The following FRY variants were observed in gnomAD, a reference collection of about 807,000 sequenced individuals.
The protein encoded by FRY is protein furry homolog.
In FRY, 128 loss-of-function variants were observed where a neutral mutation model predicts 348.4. The ratio of observed to expected loss-of-function variants is 0.37; its 90% CI spans 0.32 to 0.43. The LOEUF (loss-of-function observed/expected upper bound fraction) is 0.43, where lower values mean the gene tolerates loss of function less well. Ranked by LOEUF, FRY falls within the 20% of genes least tolerant of loss-of-function variation. The pLI is 1.00. For synonymous variants in FRY, 1,370 were observed against 1,374.7 expected, an observed-to-expected ratio of 1.00 and a Z score of 0.08; for missense variants, 2,736 against 3,695.2, an observed-to-expected ratio of 0.74 and a Z score of 6.73.
In FRY at chr13:32,233,257, T is replaced by C. The variant is rs115813307; in HGVS notation, c.5528-1317T>C. Reference sequence around the variant, plus strand: ...GCAACTAAGAGCAATGACATTGAATTATCCCTTCTGGCCCACTTTCATGTA... The same window carrying C: ...GCAACTAAGAGCAATGACATTGAATCATCCCTTCTGGCCCACTTTCATGTA... On this transcript the variant is annotated intron_variant, in intron 41 of 60. Coordinates refer to ENST00000542859, the MANE Select transcript of FRY (RefSeq NM_023037.3). Among the ~76,000 whole-genome samples the C allele has an allele frequency of 4.0e-3, 606 of 152,304 alleles. 2 individuals carry two copies. The highest frequency in any genetic ancestry group is 0.014 in the African/African-American group (569 of 41,546).
intron 16 of FRY, among the ~76,000 whole-genome samples, chr13:32,159,140 T>C (rs554719720): frequency 3.7e-4 from 56 of 152,202 alleles, no homozygotes; most frequent in Non-Finnish European, 6.8e-4. Flanking sequence ...TCTTTACTTT[T>C]TCCTATTCAA....
At chr13:32,180,411 T>C (rs1882632158) in intron 23 of FRY, among the ~76,000 whole-genome samples, 1 of 152,118 alleles carries the variant, frequency 6.6e-6, no homozygotes, top group African/African-American at 2.4e-5. Flanking sequence ...ATGTTTGTAT[T>C]TATAGTAGAG....
intron 14 of FRY, among the ~76,000 whole-genome samples, chr13:32,150,599 G>A (rs868211986): frequency 1.3e-5 from 2 of 152,060 alleles, no homozygotes; most frequent in African/African-American, 2.4e-5. Flanking sequence ...ACCTCAACTC[G>A]CAGAAGAATT....
intron 14 of FRY, among the ~76,000 whole-genome samples, chr13:32,151,243 A>G (rs1232752867): frequency 6.6e-6 from 1 of 152,228 alleles, no homozygotes; most frequent in Non-Finnish European, 1.5e-5. Context: ...CAAACTCCTC[A>G]TTCAGTCAGT....
Position 32,234,797 on chromosome 13 carries a change from G to A in FRY, c.5715+36G>A, listed in dbSNP as rs367769188. 47 of 1,539,144 alleles carry A rather than the reference G, an allele frequency of 3.1e-5. 1 individual carries two copies. The Middle Eastern group carries it at 2.7e-3, about 88-fold the overall frequency. On this transcript the variant is annotated intron_variant, in intron 42 of 60. Transcript: ENST00000542859. ...GAAGACCACTGAGCTCGTGAAGGAT[G>A]AGCTCTCTCATCTCAATGAGGTGTA...
At position 32,130,300 on chromosome 13, in the gene FRY, C is replaced by A. The variant is rs538457293; in HGVS notation, c.717-1372C>A. ...AGGTAATCCACCCACTTCGGCCTCC[C>A]AAAGTGCTGGGATTACAGGCTTGAG... On this transcript the variant is annotated intron_variant, in intron 7 of 60. Coordinates refer to ENST00000542859, the MANE Select transcript of FRY (RefSeq NM_023037.3). 2.9e-3 allele frequency among the ~76,000 whole-genome samples: 448 copies of A among 152,192 alleles called. 1 individual carries two copies. Among genetic ancestry groups the A allele is most frequent in the Non-Finnish European group, 3.5e-3 (237 of 68,004 alleles).
chr13:32,249,691 T>G lies in FRY; in HGVS notation c.7170+4T>G, dbSNP rs770297549. The G allele has an allele frequency of 3.7e-6, 6 of 1,613,512 alleles. No individual in the cohort carries two copies. The highest frequency in any genetic ancestry group is 4.2e-6 in the Non-Finnish European group (5 of 1,179,608). The stretch of plus-strand genomic sequence containing the variant: ...GAAAAGGCCCCAGTATTCTCAGGTA[T>G]GCAATCCTAGACCCACAGTCCTGGG... On this transcript the variant is annotated splice_donor_region_variant and intron_variant, in intron 49 of 60. Coordinates refer to ENST00000542859, the MANE Select transcript of FRY (RefSeq NM_023037.3).
At chr13:32,257,412 G>A (rs1887395112) in intron 51 of FRY, among the ~76,000 whole-genome samples, 1 of 152,158 alleles carries the variant, frequency 6.6e-6, no homozygotes, top group South Asian at 2.1e-4. Context: ...CCTTTTCATT[G>A]GTCTCAGAAT....
chr13:32,284,637 T>G (rs1423454044), intron 58 of FRY, among the ~76,000 whole-genome samples: 1 of 152,244 alleles, frequency 6.6e-6, no homozygotes, highest in Non-Finnish European at 1.5e-5. Context: ...GATAATGCCA[T>G]AGCCATCAAT....
intron 3 of FRY, among the ~76,000 whole-genome samples, chr13:32,108,953 G>T (rs1877760339): frequency 6.6e-6 from 1 of 152,086 alleles, no homozygotes; most frequent in South Asian, 2.1e-4. Context: ...AATGCCAGTG[G>T]GATGGGGCTG....
intron 28 of FRY, among the ~76,000 whole-genome samples, chr13:32,188,891 A>G (rs1478436672): frequency 1.3e-5 from 2 of 152,088 alleles, no homozygotes; most frequent in East Asian, 1.9e-4. Flanking sequence ...AACATTTGCT[A>G]AAGTTTAATT....
rs1593570259 is a variant in FRY, at chr13:32,060,738, C to T, written c.71-18096C>T. On this transcript the variant is annotated intron_variant, in intron 1 of 60. Transcript: ENST00000542859. ...AAACTGTGTGGGTCGGGCTCATGTT[C>T]CTGGAGTGCTTTGAGCAGCTTTACT... The T allele has an allele frequency of 1.6e-5, 3 of 184,178 alleles. No individual in the cohort carries two copies. In the South Asian group the frequency reaches 3.6e-4, roughly 22 times the overall value. 11.4% of individuals were successfully genotyped at this position (184,178 alleles called of 1,614,324 possible). A position where few individuals can be genotyped will look rare whatever the true frequency, so the allele number is the denominator to read the frequency against.
At chr13:32,193,461 A>G (rs1883474188) in intron 28 of FRY, among the ~76,000 whole-genome samples, 1 of 152,076 alleles carries the variant, frequency 6.6e-6, no homozygotes, top group South Asian at 2.1e-4. Flanking sequence ...GTAACATCAA[A>G]TGATCCCCCA....
intron 2 of FRY, chr13:32,085,823 G>A (rs774519431): frequency 1.2e-5 from 6 of 516,962 alleles, no homozygotes; most frequent in Non-Finnish European, 1.9e-5. Context: ...ATACTGTCAG[G>A]TGCCTGTCCT....
intron 2 of FRY, among the ~76,000 whole-genome samples, chr13:32,080,261 C>G (rs533168481): frequency 1.3e-5 from 2 of 152,268 alleles, no homozygotes; most frequent in East Asian, 3.9e-4. Flanking sequence ...TTTCCATTCA[C>G]TCATGTTTTT....
chr13:32,232,817 T>C (rs1297474650), intron 41 of FRY, among the ~76,000 whole-genome samples: 2 of 152,204 alleles, frequency 1.3e-5, no homozygotes, highest in African/African-American at 4.8e-5. Context: ...AGAAACCTTT[T>C]CCTTTTCTCA....
intron 1 of FRY, among the ~76,000 whole-genome samples, chr13:32,059,874 C>G (rs1419672965): frequency 6.6e-6 from 1 of 152,242 alleles, no homozygotes; most frequent in Admixed American, 6.5e-5. Flanking sequence ...ATATTCACCT[C>G]TGTCAACTCT....
rs772072747 is a variant in FRY, at chr13:32,209,091, C to A, written c.4257C>A (p.Leu1419=). 2 of 1,614,046 alleles carry A rather than the reference C, an allele frequency of 1.2e-6. No homozygotes were observed. Among genetic ancestry groups the A allele is most frequent in the Admixed American group, 3.3e-5 (2 of 60,018 alleles). The change falls in exon 32 of 61, where the codon CTC becomes CTA. Residue 1419 remains leucine (L), a synonymous_variant. Coordinates refer to ENST00000542859, the MANE Select transcript of FRY (RefSeq NM_023037.3). ...PEATSLVLNN[L]MYMTAKYGDE... Reference sequence around the variant, plus strand: ...CCACGTCACTGGTCCTGAACAACCTCATGTACATGACGGCCAAGGTAAACT... The same window carrying A: ...CCACGTCACTGGTCCTGAACAACCTAATGTACATGACGGCCAAGGTAAACT...
chr13:32,049,050 G>A (rs573943978), intron 1 of FRY, among the ~76,000 whole-genome samples: 12 of 152,314 alleles, frequency 7.9e-5, no homozygotes, highest in Non-Finnish European at 1.3e-4. Flanking sequence ...GAAGGTGTAA[G>A]GAAGTTGCAA....
Sources: allele counts gnomAD v4.1 joint callset (sites outside exome capture counted in the v4.1 genomes callset), GRCh38; gene constraint gnomAD v4.1.1; transcripts MANE v1.5; gene names NCBI Gene and HGNC (gene_info 2026-07-23, HGNC 2026-07-21).